RBFOX2: variants seen among roughly 807,000 people sequenced by gnomAD.
The protein encoded by RBFOX2 is RNA binding protein fox-1 homolog 2.
In RBFOX2, 10 loss-of-function variants were observed where a neutral mutation model predicts 49.1. That is an observed-to-expected ratio of 0.20 (90% CI 0.13 to 0.35). The LOEUF (loss-of-function observed/expected upper bound fraction) is 0.35. Among genes scored for constraint, RBFOX2 ranks in the 10% least tolerant of loss-of-function variants. The pLI is 1.00. For synonymous variants in RBFOX2, 183 were observed against 187.4 expected (o/e 0.98, Z 0.19); for missense variants, 323 against 486.9 (o/e 0.66, Z 3.17).
intron 1 of RBFOX2, among the ~76,000 whole-genome samples, chr22:35,812,714 A>T (rs761447090): frequency 6.6e-6 from 1 of 152,228 alleles, no homozygotes; most frequent in African/African-American, 2.4e-5. Context: ...GGTAAAAGCT[A>T]AAAGATAGAG....
chr22:35,777,436 G>A (rs767896205), intron 4 of RBFOX2, among the ~76,000 whole-genome samples: 27 of 152,158 alleles, frequency 1.8e-4, no homozygotes, highest in Non-Finnish European at 2.5e-4. Context: ...CTAACTCACT[G>A]TATTTGTGAT....
intron 1 of RBFOX2, among the ~76,000 whole-genome samples, chr22:36,015,066 C>G (rs190325094): frequency 3.3e-4 from 51 of 152,258 alleles, no homozygotes; most frequent in Middle Eastern, 3.4e-3. Flanking sequence ...TGAACAGCAC[C>G]TGGGAATGGA....
rs58634598 is a variant in RBFOX2, at chr22:35,870,273, C to A, written c.-33-60269G>T. ...CTTGCCATCCCAGCACTTTGGGAGG[C>A]TGAGGCAGGCAGATCATGAGGTCAG... On this transcript the variant is annotated intron_variant, in intron 1 of 13. Coordinates refer to the RBFOX2 transcript ENST00000359369. Among the ~76,000 whole-genome samples the A allele has an allele frequency of 3.2e-3, 485 of 152,218 alleles. 1 individual carries two copies. Among genetic ancestry groups the A allele is most frequent in the African/African-American group, 0.011 (455 of 41,526 alleles).
intron 1 of RBFOX2, among the ~76,000 whole-genome samples, chr22:36,001,437 G>GT (rs1569521509): frequency 1.3e-5 from 2 of 152,048 alleles, no homozygotes; most frequent in Non-Finnish European, 2.9e-5. Context: ...TTGTAGAAAT[G>GT]TTTTTTTAAA....
chr22:35,970,943 C>A (rs1355413571), intron 1 of RBFOX2, among the ~76,000 whole-genome samples: 2 of 152,090 alleles, frequency 1.3e-5, no homozygotes, highest in African/African-American at 4.8e-5. Context: ...CAATACCAGG[C>A]ATACCCTCAG....
At chr22:35,974,502 T>C (rs1291576454) in intron 1 of RBFOX2, among the ~76,000 whole-genome samples, 2 of 151,750 alleles carry the variant, frequency 1.3e-5, no homozygotes, top group Non-Finnish European at 2.9e-5. Flanking sequence ...GCCTGACCAA[T>C]GTGGTGAAAT....
At chr22:35,896,783 T>C (rs546436515) in intron 1 of RBFOX2, among the ~76,000 whole-genome samples, 60 of 152,202 alleles carry the variant, frequency 3.9e-4, no homozygotes, top group Non-Finnish European at 7.3e-4. Flanking sequence ...ACATAGAACC[T>C]CTCTGCTTCT....
At chr22:35,826,239 G>A (rs1472226254) in intron 1 of RBFOX2, among the ~76,000 whole-genome samples, 1 of 151,000 alleles carries the variant, frequency 6.6e-6, no homozygotes, top group African/African-American at 2.4e-5. Context: ...CTACTCGGGA[G>A]GCTGAAGCAG....
At chr22:35,781,773 A>G in intron 2 of RBFOX2, 27 bp from the exon 4 acceptor site, 2 of 1,613,598 alleles carry the variant, frequency 1.2e-6, no homozygotes, top group Non-Finnish European at 1.7e-6. Flanking sequence ...AGAATGAAAA[A>G]TATACACAAT....
At chr22:35,856,894 T>A (rs1216061505) in intron 1 of RBFOX2, among the ~76,000 whole-genome samples, 1 of 152,040 alleles carries the variant, frequency 6.6e-6, no homozygotes, top group Non-Finnish European at 1.5e-5. Flanking sequence ...TAGCCAGGCG[T>A]GGCCACGTGC....
chr22:35,938,250 G>A (rs2053321106), intron 1 of RBFOX2, among the ~76,000 whole-genome samples: 1 of 152,138 alleles, frequency 6.6e-6, no homozygotes, highest in Non-Finnish European at 1.5e-5. Context: ...AAAAGATAGG[G>A]AAGGCATTTT....
chr22:35,892,059 T>C (rs7287809), intron 1 of RBFOX2, among the ~76,000 whole-genome samples: 19,000 of 152,210 alleles, frequency 0.12, 1,390 homozygotes, highest in Middle Eastern at 0.28. Context: ...GAGTGGTGAG[T>C]AGTCTGCCTA....
upstream of RBFOX2, among the ~76,000 whole-genome samples, chr22:35,942,431 G>A (rs9610366): frequency 6.6e-5 from 10 of 152,058 alleles, no homozygotes; most frequent in Admixed American, 2.0e-4. Context: ...AAGCATGTGC[G>A]AAGATTTTCA....
At chr22:35,898,113 C>T (rs2048095962) in intron 1 of RBFOX2, 4 of 742,036 alleles carry the variant, frequency 5.4e-6, no homozygotes, top group Non-Finnish European at 1.0e-5. Flanking sequence ...CCAGGTCTCC[C>T]ATGGGACGAA....
chr22:35,891,913 C>G (rs1603441247), intron 1 of RBFOX2, among the ~76,000 whole-genome samples: 1 of 150,150 alleles, frequency 6.7e-6, no homozygotes. Flanking sequence ...GCAACCTTAA[C>G]AAGGGCTCCC....
At chr22:36,011,999 G>A (rs1603466609) in intron 1 of RBFOX2, among the ~76,000 whole-genome samples, 2 of 151,974 alleles carry the variant, frequency 1.3e-5, no homozygotes, top group African/African-American at 2.4e-5. Flanking sequence ...CTTCAGCTCT[G>A]ATGATTTTAT....
intron 1 of RBFOX2, among the ~76,000 whole-genome samples, chr22:35,825,521 G>C (rs1955476631): frequency 6.6e-6 from 1 of 151,900 alleles, no homozygotes; most frequent in African/African-American, 2.4e-5. Context: ...GGCAGGGCCA[G>C]AAATAGCATA....
chr22:35,865,909 A>G (rs1008317483), intron 1 of RBFOX2, among the ~76,000 whole-genome samples: 3 of 152,172 alleles, frequency 2.0e-5, no homozygotes, highest in African/African-American at 4.8e-5. Context: ...CAAATCAAGG[A>G]AAAAAATTAA....
rs550854830 is a variant in RBFOX2 at position 35,863,119 on chromosome 22, C to T, written c.-33-53115G>A. On this transcript the variant is annotated intron_variant, in intron 1 of 13. Transcript: ENST00000359369. Reference sequence around the variant, plus strand: ...GGCAGGGGAGAGCACCTACCCATACCTAGCACAGGGCATTTACGTTATTTT... The same window carrying T: ...GGCAGGGGAGAGCACCTACCCATACTTAGCACAGGGCATTTACGTTATTTT... 2.6e-5 allele frequency among the ~76,000 whole-genome samples: 4 copies of T among 152,148 alleles called. No homozygotes were observed. The South Asian group carries it at 8.3e-4, about 32-fold the overall frequency.
Sources: allele counts gnomAD v4.1 joint callset (sites outside exome capture counted in the v4.1 genomes callset), GRCh38; gene constraint gnomAD v4.1.1; transcripts MANE v1.5; gene names NCBI Gene and HGNC (gene_info 2026-07-23, HGNC 2026-07-21).